Variants in GPC6 observed in about 807,000 individuals in gnomAD.
GPC6 encodes the protein glypican 6.
GPC6 carries 14 observed loss-of-function variants against 55.2 expected under a neutral mutation model. The ratio of observed to expected loss-of-function variants is 0.25; its 90% CI spans 0.17 to 0.40. The LOEUF is 0.40. Ranked by LOEUF, GPC6 falls within the 10% of genes least tolerant of loss-of-function variation. The pLI is 1.00. For missense variants in GPC6, 641 were observed against 708.5 expected, an observed-to-expected ratio of 0.90 and a Z score of 1.08; for synonymous variants, 278 against 259.6, an observed-to-expected ratio of 1.07 and a Z score of -0.68.
intron 3 of GPC6, among the ~76,000 whole-genome samples, chr13:93,858,575 G>T (rs1177499203): frequency 6.6e-6 from 1 of 151,564 alleles, no homozygotes; most frequent in South Asian, 2.1e-4. Flanking sequence ...GACGATTGAG[G>T]AAAAGAACCA....
intron 3 of GPC6, among the ~76,000 whole-genome samples, chr13:94,026,043 G>C (rs1184567683): frequency 1.3e-5 from 2 of 152,186 alleles, no homozygotes; most frequent in African/African-American, 4.8e-5. Flanking sequence ...ATTGTACCAT[G>C]TAGGAAATGT....
chr13:93,596,610 A>ATATAT (rs1566441951), intron 2 of GPC6, among the ~76,000 whole-genome samples: 4 of 132,868 alleles, frequency 3.0e-5, no homozygotes, highest in African/African-American at 9.1e-5. Flanking sequence ...TAAATAAATA[A>ATATAT]ATATATATAT....
intron 6 of GPC6, among the ~76,000 whole-genome samples, chr13:94,376,810 C>G (rs1161555037): frequency 6.6e-6 from 1 of 151,990 alleles, no homozygotes. Flanking sequence ...TACTACAAGG[C>G]TACAGTAACC....
intron 2 of GPC6, among the ~76,000 whole-genome samples, chr13:93,800,353 G>A (rs1375788871): frequency 6.6e-6 from 1 of 152,136 alleles, no homozygotes; most frequent in Non-Finnish European, 1.5e-5. Context: ...GAGTGAATGT[G>A]CTCGTCAGCT....
chr13:94,310,012 G>A (rs534991651), intron 6 of GPC6, among the ~76,000 whole-genome samples: 1 of 152,212 alleles, frequency 6.6e-6, no homozygotes, highest in East Asian at 1.9e-4. Flanking sequence ...TTAAAAGACG[G>A]TTCCAATTCA....
At chr13:93,304,996 C>A in intron 1 of GPC6, among the ~76,000 whole-genome samples, 1 of 152,286 alleles carries the variant, frequency 6.6e-6, no homozygotes, top group Admixed American at 6.5e-5. Flanking sequence ...ACTTCAGATT[C>A]TTGAAATCCA....
intron 3 of GPC6, among the ~76,000 whole-genome samples, chr13:93,864,197 C>A (rs961459078): frequency 2.2e-4 from 33 of 151,754 alleles, no homozygotes; most frequent in South Asian, 1.5e-3. Context: ...TATTTGAATA[C>A]TTCATTGTAT....
chr13:94,291,478 G>A (rs1333771116), intron 5 of GPC6, among the ~76,000 whole-genome samples: 1 of 152,202 alleles, frequency 6.6e-6, no homozygotes. Context: ...AAAGTGGTTG[G>A]AATTTAGACA....
At chr13:93,893,116 A>G (rs963681103) in intron 3 of GPC6, among the ~76,000 whole-genome samples, 6 of 150,750 alleles carry the variant, frequency 4.0e-5, no homozygotes, top group Admixed American at 2.0e-4. Context: ...CTGGAGTGCA[A>G]TGGCACAATC....
At chr13:93,680,508 T>C (rs1455358964) in intron 2 of GPC6, among the ~76,000 whole-genome samples, 1 of 152,134 alleles carries the variant, frequency 6.6e-6, no homozygotes, top group East Asian at 1.9e-4. Context: ...TAGAGGAATT[T>C]GGCTGGAATG....
rs981802766 is a variant in GPC6, at chr13:93,719,459, C to G, written c.320-110695C>G. ...GTATCCTGAAACTTTGCTGAAGTTG[C>G]TTATCAGGTGAAGAAGTTTTGGGGC... On this transcript the variant is annotated intron_variant, in intron 2 of 8. Coordinates refer to ENST00000377047, the MANE Select transcript of GPC6 (RefSeq NM_005708.5). Among the ~76,000 whole-genome samples, 14 of 151,986 alleles carry G rather than the reference C, an allele frequency of 9.2e-5. 1 individual carries two copies. The highest frequency in any genetic ancestry group is 3.4e-4 in the African/African-American group (14 of 41,400).
intron 4 of GPC6, among the ~76,000 whole-genome samples, chr13:94,185,606 A>G (rs1448846619): frequency 3.9e-5 from 6 of 152,100 alleles, no homozygotes; most frequent in Non-Finnish European, 8.8e-5. Flanking sequence ...CAATATAGGA[A>G]TAAAAAGATA....
At position 93,269,770 on chromosome 13, in the gene GPC6, C is replaced by CA. The variant is rs55928643; in HGVS notation, c.160+42174dup. On this transcript the variant is annotated intron_variant, in intron 1 of 8. Transcript: ENST00000377047. ...GAAACCCCATCTCTACTAAAAATAC[C>CA]AAAAAAAAAAAAAAAAAAAATTAAC... Among the ~76,000 whole-genome samples the CA allele has an allele frequency of 6.2e-3, 707 of 114,566 alleles. 6 individuals carry two copies. The highest frequency in any genetic ancestry group is 8.8e-3 in the Non-Finnish European group (487 of 55,362). 75.2% of individuals were successfully genotyped at this position (114,566 alleles called of 152,430 possible).
In GPC6 at chr13:93,655,639, A is replaced by G. The variant is rs141658783; in HGVS notation, c.319+110218A>G. On this transcript the variant is annotated intron_variant, in intron 2 of 8. Coordinates refer to ENST00000377047, the MANE Select transcript of GPC6 (RefSeq NM_005708.5). The stretch of plus-strand genomic sequence containing the variant: ...ACAGGAAACTTACCCTGAAAAATCT[A>G]TGTGTATACTAACAAATCAGTTAAA... Among the ~76,000 whole-genome samples the G allele has an allele frequency of 8.5e-4, 129 of 152,302 alleles. 1 individual carries two copies. Among genetic ancestry groups the G allele is most frequent in the South Asian group, 1.7e-3 (8 of 4,824 alleles).
intron 1 of GPC6, among the ~76,000 whole-genome samples, chr13:93,255,818 A>G (rs966978790): frequency 3.3e-5 from 5 of 152,170 alleles, no homozygotes; most frequent in Non-Finnish European, 7.3e-5. Context: ...CATAATAAAT[A>G]GTAAATACAA....
At chr13:94,158,380 T>A (rs1345946132) in intron 4 of GPC6, among the ~76,000 whole-genome samples, 7 of 146,860 alleles carry the variant, frequency 4.8e-5, no homozygotes, top group South Asian at 2.2e-4. Context: ...GATGATGCTT[T>A]AAAAAAAAAA....
At chr13:93,992,458 A>G (rs1475142320) in intron 3 of GPC6, among the ~76,000 whole-genome samples, 1 of 152,154 alleles carries the variant, frequency 6.6e-6, no homozygotes, top group Non-Finnish European at 1.5e-5. Flanking sequence ...CTTTTATATA[A>G]CTTTACATAA....
chr13:93,710,446 G>A (rs73545541), intron 2 of GPC6, among the ~76,000 whole-genome samples: 7,846 of 151,748 alleles, frequency 0.052, 686 homozygotes, highest in African/African-American at 0.18. Context: ...CACATCTTGT[G>A]TAGTGAATCA....
At chr13:94,172,762 G>T (rs1016281999) in intron 4 of GPC6, among the ~76,000 whole-genome samples, 2 of 152,164 alleles carry the variant, frequency 1.3e-5, no homozygotes. Context: ...AAATGACCAA[G>T]TTACGTGCAT....
Sources: allele counts gnomAD v4.1 joint callset (sites outside exome capture counted in the v4.1 genomes callset), GRCh38; gene constraint gnomAD v4.1.1; transcripts MANE v1.5; gene names NCBI Gene and HGNC (gene_info 2026-07-23, HGNC 2026-07-21).